GPC5: variants seen among roughly 807,000 people sequenced by gnomAD.
The protein encoded by GPC5 is glypican 5.
GPC5 carries 47 observed loss-of-function variants against 53.9 expected under a neutral mutation model. The ratio of observed to expected loss-of-function variants is 0.87; its 90% confidence interval spans 0.69 to 1.11. GPC5 has a LOEUF of 1.11. GPC5 is among the 50% of genes most tolerant of loss of function. GPC5 has a pLI of 0.00. For missense variants in GPC5, 748 were observed against 713.1 expected, an observed-to-expected ratio of 1.05 and a Z score of -0.56; for synonymous variants, 286 against 263.3, an observed-to-expected ratio of 1.09 and a Z score of -0.84.
chr13:92,738,756 C>A (rs764303736), intron 7 of GPC5, among the ~76,000 whole-genome samples: 3 of 152,128 alleles, frequency 2.0e-5, no homozygotes, highest in Admixed American at 6.6e-5. Context: ...GTTCTGTAGA[C>A]CAAAAATTCT....
intron 7 of GPC5, among the ~76,000 whole-genome samples, chr13:92,334,934 A>G (rs1437785746): frequency 6.6e-6 from 1 of 152,076 alleles, no homozygotes; most frequent in Non-Finnish European, 1.5e-5. Context: ...CTGGTTTCAC[A>G]GGCTGGCGCT....
intron 6 of GPC5, among the ~76,000 whole-genome samples, chr13:92,076,703 A>T (rs908213821): frequency 6.6e-6 from 1 of 152,046 alleles, no homozygotes; most frequent in Non-Finnish European, 1.5e-5. Flanking sequence ...CTCTGGCATG[A>T]CATTATGTGA....
chr13:91,522,215 C>A lies in GPC5; in HGVS notation c.325+73293C>A, dbSNP rs942242260. Among the ~76,000 whole-genome samples the A allele has an allele frequency of 3.3e-5, 5 of 152,262 alleles. No individual in the cohort carries two copies. In the South Asian group the frequency reaches 8.3e-4, roughly 25 times the overall value. On this transcript the variant is annotated intron_variant, in intron 2 of 7. Transcript: ENST00000377067. ...TCAACTTAAGCTTTAGCCCCTTTCCCCTCTCCACAGGTTGCGGGTGGGGCT... is the reference window on the plus strand; with the variant it reads ...TCAACTTAAGCTTTAGCCCCTTTCCACTCTCCACAGGTTGCGGGTGGGGCT...
intron 2 of GPC5, among the ~76,000 whole-genome samples, chr13:91,502,836 C>G (rs1363135294): frequency 6.6e-6 from 1 of 152,106 alleles, no homozygotes; most frequent in Non-Finnish European, 1.5e-5. Flanking sequence ...CAAGAAAAAT[C>G]AAAGCTCAGA....
intron 2 of GPC5, among the ~76,000 whole-genome samples, chr13:91,570,938 C>T (rs919696755): frequency 5.3e-5 from 8 of 152,126 alleles, no homozygotes; most frequent in Non-Finnish European, 1.0e-4. Flanking sequence ...TTCTTTTATG[C>T]ATAAAGTCAA....
chr13:91,805,126 G>C (rs1411820194), intron 5 of GPC5, among the ~76,000 whole-genome samples: 4 of 152,172 alleles, frequency 2.6e-5, no homozygotes, highest in Non-Finnish European at 5.9e-5. Context: ...TGACAGGATG[G>C]AGAGAGGGAG....
intron 7 of GPC5, among the ~76,000 whole-genome samples, chr13:92,794,270 C>G (rs563672471): frequency 2.0e-5 from 3 of 152,028 alleles, no homozygotes; most frequent in Admixed American, 2.0e-4. Flanking sequence ...TAAAGAGAAC[C>G]AATGACAAAA....
At chr13:91,573,505 A>T (rs563216966) in intron 2 of GPC5, among the ~76,000 whole-genome samples, 1 of 152,272 alleles carries the variant, frequency 6.6e-6, no homozygotes, top group East Asian at 1.9e-4. Flanking sequence ...CATTATTTTC[A>T]TTTAAAAATG....
chr13:91,437,193 G>A (rs182163377), intron 1 of GPC5, among the ~76,000 whole-genome samples: 48 of 152,154 alleles, frequency 3.2e-4, no homozygotes, highest in Middle Eastern at 3.4e-3. Flanking sequence ...TTACATTTAA[G>A]GTTAATATTG....
intron 7 of GPC5, among the ~76,000 whole-genome samples, chr13:92,437,337 T>C (rs1877348057): frequency 6.6e-6 from 1 of 152,168 alleles, no homozygotes; most frequent in Non-Finnish European, 1.5e-5. Flanking sequence ...ATGCATTATG[T>C]ATTCTCTTAC....
At chr13:91,902,398 A>C (rs2039506407) in intron 5 of GPC5, among the ~76,000 whole-genome samples, 1 of 152,066 alleles carries the variant, frequency 6.6e-6, no homozygotes, top group South Asian at 2.1e-4. Flanking sequence ...TAGAATGTAA[A>C]TATATCAGGG....
chr13:91,440,123 T>C (rs1880312514), intron 1 of GPC5, among the ~76,000 whole-genome samples: 1 of 152,234 alleles, frequency 6.6e-6, no homozygotes, highest in Admixed American at 6.5e-5. Flanking sequence ...TGTTAATTTG[T>C]GGTGTTCACC....
intron 7 of GPC5, among the ~76,000 whole-genome samples, chr13:92,231,250 G>C (rs2042528027): frequency 6.6e-6 from 1 of 152,182 alleles, no homozygotes; most frequent in Admixed American, 6.5e-5. Context: ...TTCCTTACAA[G>C]AGGTAAACTC....
chr13:92,343,886 C>A (rs931656489), intron 7 of GPC5, among the ~76,000 whole-genome samples: 5 of 152,086 alleles, frequency 3.3e-5, no homozygotes, highest in Admixed American at 3.3e-4. Context: ...ATCTTATTAT[C>A]CATTCCTATC....
chr13:91,498,436 T>G (rs1884424078), intron 2 of GPC5, among the ~76,000 whole-genome samples: 1 of 151,960 alleles, frequency 6.6e-6, no homozygotes, highest in Admixed American at 6.6e-5. Context: ...AGCAGGGATT[T>G]GAGCACAATG....
At chr13:92,163,574 C>T (rs565558697) in intron 7 of GPC5, among the ~76,000 whole-genome samples, 7 of 151,570 alleles carry the variant, frequency 4.6e-5, no homozygotes, top group African/African-American at 1.7e-4. Context: ...AATATGGAGG[C>T]TATTATATAA....
intron 2 of GPC5, among the ~76,000 whole-genome samples, chr13:91,645,206 T>G (rs963351171): frequency 6.6e-6 from 1 of 152,194 alleles, no homozygotes; most frequent in Non-Finnish European, 1.5e-5. Context: ...TCCTGTGAGT[T>G]TAGTTCAATA....
intron 6 of GPC5, among the ~76,000 whole-genome samples, chr13:92,121,666 T>G (rs908425019): frequency 2.0e-5 from 3 of 152,210 alleles, no homozygotes; most frequent in Non-Finnish European, 4.4e-5. Context: ...TTGTGTGTAC[T>G]CAGAGTGGAG....
At chr13:92,405,284 A>G (rs1415383730) in intron 7 of GPC5, among the ~76,000 whole-genome samples, 1 of 152,158 alleles carries the variant, frequency 6.6e-6, no homozygotes, top group Non-Finnish European at 1.5e-5. Context: ...ATGTAGACAC[A>G]CCAATTAACT....
Sources: allele counts gnomAD v4.1 joint callset (sites outside exome capture counted in the v4.1 genomes callset), GRCh38; gene constraint gnomAD v4.1.1; transcripts MANE v1.5; gene names NCBI Gene and HGNC (gene_info 2026-07-23, HGNC 2026-07-21).